The following DENND2C variants were observed in gnomAD, a reference collection of about 807,000 sequenced individuals.
DENND2C encodes DENN domain-containing protein 2C.
In DENND2C, 72 loss-of-function variants were observed where a neutral mutation model predicts 112.4. That is an observed-to-expected ratio of 0.64 (90% CI 0.53 to 0.78). DENND2C has a LOEUF of 0.78. Ranked by LOEUF, DENND2C falls within the 30% of genes least tolerant of loss-of-function variation. DENND2C has a pLI of 0.00. For missense variants in DENND2C, 992 were observed against 1,113.8 expected (o/e 0.89, Z 1.56); for synonymous variants, 329 against 381.6 (o/e 0.86, Z 1.61).
chr1:114,598,500 A>T (rs1276837284), intron 16 of DENND2C, among the ~76,000 whole-genome samples: 1 of 152,148 alleles, frequency 6.6e-6, no homozygotes, highest in African/African-American at 2.4e-5. Flanking sequence ...ATAAAAGTCA[A>T]GATAATGAGT....
In DENND2C at chr1:114,653,649, TTTG is replaced by T. The variant is rs559933776; in HGVS notation, c.-317+853_-317+855del. Among the ~76,000 whole-genome samples the T allele has an allele frequency of 1.1e-3, 167 of 152,268 alleles. 1 individual carries two copies. Among genetic ancestry groups the T allele is most frequent in the African/African-American group, 3.8e-3 (157 of 41,532 alleles). ...TATAATGATTAAACGTTTTGTGTTT[TTTG>T]TTGTTTTTAAATGTTATAACAGGAT... On this transcript the variant is annotated intron_variant, in intron 2 of 20. Transcript: ENST00000393274.
At position 114,642,241 on chromosome 1, in the gene DENND2C, G is replaced by A. The variant is rs142154652; in HGVS notation, c.-205+3207C>T. Among the ~76,000 whole-genome samples the A allele has an allele frequency of 1.2e-3, 176 of 152,122 alleles. 1 individual carries two copies. The highest frequency in any genetic ancestry group is 3.9e-3 in the African/African-American group (160 of 41,496). On this transcript the variant is annotated intron_variant, in intron 3 of 20. Coordinates refer to ENST00000393274, the MANE Select transcript of DENND2C (RefSeq NM_001256404.2). ...GCTAGGATTACAGGTGTGAGCCACC[G>A]CGCCCAGCTAATAAAATTAAGCAGG...
intron 11 of DENND2C, 78 bp from the exon 12 acceptor site, chr1:114,602,272 C>T: frequency 1.4e-6 from 2 of 1,448,734 alleles, no homozygotes; most frequent in Non-Finnish European, 1.9e-6. Flanking sequence ...CAATTGAAAA[C>T]TAGAGTCCAA....
intron 20 of DENND2C, among the ~76,000 whole-genome samples, chr1:114,585,975 G>A (rs1357064520): frequency 2.0e-5 from 3 of 152,114 alleles, no homozygotes; most frequent in Admixed American, 1.3e-4. Flanking sequence ...TGTAGTCAGA[G>A]CTGGGAACCA....
Position 114,625,954 on chromosome 1 carries a change from G to A in DENND2C, c.31C>T (p.Gln11Ter). 1 of 1,612,970 alleles carries A rather than the reference G, an allele frequency of 6.2e-7. No individual in the cohort carries two copies. The highest frequency in any genetic ancestry group is 1.1e-5 in the South Asian group (1 of 90,974). Residue 11 changes from glutamine to a stop codon, truncating the protein, a stop_gained, in exon 4 of 21, where the codon CAG (glutamine) becomes TAG (stop). Coordinates refer to ENST00000393274, the MANE Select transcript of DENND2C (RefSeq NM_001256404.2). LOFTEE classifies it high-confidence loss of function. The stretch of plus-strand genomic sequence containing the variant: ...TTGCAGTGGCTTCTTGACAGTGTCT[G>A]AACAGTAGTACGAGAAAAACCAACA... MDVGFSRTTV[Q>*]TLSRSHCKNI...
At chr1:114,606,062 T>C (rs139457009) in intron 10 of DENND2C, among the ~76,000 whole-genome samples, 55 of 152,290 alleles carry the variant, frequency 3.6e-4, no homozygotes, top group South Asian at 4.1e-4. Flanking sequence ...CTAATAACAA[T>C]GATCTCCCTT....
intron 3 of DENND2C, among the ~76,000 whole-genome samples, chr1:114,633,450 AAAAAAAAAAAAAG>A (rs1169064798): frequency 1.3e-5 from 2 of 150,404 alleles, no homozygotes; most frequent in African/African-American, 4.9e-5. Context: ...AAAAAAAAAA[AAAAAAAAAAAAAG>A]AAAAAGAAGG....
Position 114,587,887 on chromosome 1 carries a change from A to G in DENND2C, c.2497T>C (p.Tyr833His), listed in dbSNP as rs61753528. 7,188 of 1,614,212 alleles carry G rather than the reference A, an allele frequency of 4.5e-3. 26 individuals carry two copies. The highest frequency in any genetic ancestry group is 5.5e-3 in the Non-Finnish European group (6,494 of 1,180,038). Residue 833 changes from tyrosine to histidine, a missense_variant, in exon 19 of 21, where the codon TAT becomes CAT. Physicochemically the swap from Tyr to His is moderately conservative, Grantham distance 83. Transcript: ENST00000393274. ...VRFFVELVGH[Y>H]SLNMTVTERG... is the part of the protein sequence containing the mutation. ...TCAGTGACAGTCATGTTCAAAGAAT[A>G]ATGTCCTACCAACTCCACAAAAAAC... is the stretch of plus-strand genomic sequence containing the variant.
At chr1:114,665,734 T>C (rs1210301102) in intron 1 of DENND2C, among the ~76,000 whole-genome samples, 1 of 152,208 alleles carries the variant, frequency 6.6e-6, no homozygotes, top group Non-Finnish European at 1.5e-5. Flanking sequence ...TCAATTAAAA[T>C]CCATTTCATT....
In DENND2C at chr1:114,602,144, C is replaced by A. The variant is rs781751988; in HGVS notation, c.1718G>T (p.Gly573Val). Reference protein sequence around the residue: ...LTGEDGSRWFGYCKKLLPVGK... With the variant: ...LTGEDGSRWFVYCKKLLPVGK... Reference sequence around the variant, plus strand: ...ACTTACCAAGAGCTTCTTACAGTAACCAAACCACCGGCTTCCATCTTCACC... The same window carrying A: ...ACTTACCAAGAGCTTCTTACAGTAAACAAACCACCGGCTTCCATCTTCACC... The change falls in exon 12 of 21, where the codon GGT (glycine) becomes GTT (valine). Residue 573 changes from glycine to valine, a missense_variant. Physicochemically the swap from Gly to Val is moderately radical, Grantham distance 109. Around this residue, in one of 3 missense-constraint regions of DENND2C, gnomAD observed 516 missense variants for 623.6 expected, o/e 0.83. Coordinates refer to ENST00000393274, the MANE Select transcript of DENND2C (RefSeq NM_001256404.2). The A allele has an allele frequency of 6.2e-7, 1 of 1,613,888 alleles. No homozygotes were observed. The highest frequency in any genetic ancestry group is 1.7e-4 in the Middle Eastern group (1 of 6,060).
At chr1:114,602,274 A>G in intron 11 of DENND2C, 80 bp from the exon 12 acceptor site, 1 of 1,379,410 alleles carries the variant, frequency 7.2e-7, no homozygotes, top group African/African-American at 1.4e-5. Context: ...ATTGAAAACT[A>G]GAGTCCAACA....
At chr1:114,646,641 T>C (rs1557957428) in intron 2 of DENND2C, among the ~76,000 whole-genome samples, 1 of 152,206 alleles carries the variant, frequency 6.6e-6, no homozygotes, top group Non-Finnish European at 1.5e-5. Flanking sequence ...TCATTCCTTA[T>C]ATAAAGTCTG....
chr1:114,592,335 T>C (rs567082438), intron 18 of DENND2C, among the ~76,000 whole-genome samples: 1 of 152,336 alleles, frequency 6.6e-6, no homozygotes, highest in African/African-American at 2.4e-5. Flanking sequence ...TTACTATCTT[T>C]ATAATAATTT....
intron 3 of DENND2C, among the ~76,000 whole-genome samples, chr1:114,641,081 A>C (rs1656823563): frequency 6.6e-6 from 1 of 152,034 alleles, no homozygotes; most frequent in Non-Finnish European, 1.5e-5. Flanking sequence ...TTTAGAGAGC[A>C]GGAAAGAGAT....
At chr1:114,595,898 G>T in intron 16 of DENND2C, 25 bp from the exon 17 acceptor site, 1 of 1,611,656 alleles carries the variant, frequency 6.2e-7, no homozygotes, top group Non-Finnish European at 8.5e-7. Context: ...AGCCAGGCAA[G>T]TTCAACCAGA....
chr1:114,595,978 T>C (rs1655331531), intron 16 of DENND2C, 105 bp from the exon 17 acceptor site: 1 of 1,029,530 alleles, frequency 9.7e-7, no homozygotes, highest in East Asian at 2.4e-5. Context: ...TCAGCCCATT[T>C]AAAAGTTAGC....
At chr1:114,598,937 C>G (rs1179323766) in intron 16 of DENND2C, among the ~76,000 whole-genome samples, 1 of 152,194 alleles carries the variant, frequency 6.6e-6, no homozygotes, top group Non-Finnish European at 1.5e-5. Flanking sequence ...CCTGCCTCAG[C>G]CTCCCAAAGT....
chr1:114,663,106 T>C (rs1225542048), intron 1 of DENND2C, among the ~76,000 whole-genome samples: 3 of 152,220 alleles, frequency 2.0e-5, no homozygotes, highest in Non-Finnish European at 2.9e-5. Flanking sequence ...GTCTTATAAT[T>C]TGCTATACTG....
intron 3 of DENND2C, among the ~76,000 whole-genome samples, chr1:114,634,364 C>CA (rs1208283084): frequency 6.6e-6 from 1 of 152,022 alleles, no homozygotes; most frequent in Non-Finnish European, 1.5e-5. Flanking sequence ...GACAGAGTCT[C>CA]ACTCTGTTGC....
Sources: gnomAD v4.1 joint callset for allele counts (sites outside exome capture counted in the v4.1 genomes callset) on GRCh38, gnomAD v4.1.1 for gene constraint, gnomAD v4.1.1 regional missense constraint, MANE v1.5 for transcripts, NCBI Gene and HGNC (gene_info 2026-07-23, HGNC 2026-07-21) for gene names.